Variants in SRGAP2C observed in about 807,000 individuals in gnomAD.
SRGAP2C encodes the protein SLIT-ROBO Rho GTPase activating protein 2C.
SRGAP2C carries 15 observed loss-of-function variants against 25.1 expected under a neutral mutation model. That is an observed-to-expected ratio of 0.60 (90% CI 0.40 to 0.92). The LOEUF is 0.92. Ranked by LOEUF, SRGAP2C falls within the 40% of genes least tolerant of loss-of-function variation. The pLI is 0.00. For synonymous variants in SRGAP2C, 44 were observed against 96.6 expected (o/e 0.46, Z 3.19); for missense variants, 144 against 264.4 (o/e 0.54, Z 3.16).
intron 3 of SRGAP2C, among the ~76,000 whole-genome samples, chr1:121,288,939 C>A (rs1163760605): frequency 9.2e-6 from 1 of 108,562 alleles, no homozygotes; most frequent in Admixed American, 9.3e-5. Context: ...CACTCACAAA[C>A]CTTGAGCTAA....
At chr1:121,275,700 G>A (rs1657092541) in intron 2 of SRGAP2C, among the ~76,000 whole-genome samples, 1 of 150,888 alleles carries the variant, frequency 6.6e-6, no homozygotes, top group Non-Finnish European at 1.5e-5. Flanking sequence ...ATTCACTTGG[G>A]GCTGGAAAGT....
chr1:121,204,549 C>T (rs1451336087), intron 2 of SRGAP2C, among the ~76,000 whole-genome samples: 1 of 151,820 alleles, frequency 6.6e-6, no homozygotes, highest in Non-Finnish European at 1.5e-5. Context: ...CGTGAGCCAC[C>T]GTGCCCGGCC....
chr1:121,350,573 T>A (rs1316209845), intron 4 of SRGAP2C, among the ~76,000 whole-genome samples: 1 of 151,682 alleles, frequency 6.6e-6, no homozygotes, highest in African/African-American at 2.4e-5. Flanking sequence ...AAAACAAACC[T>A]GGAAATAATA....
intron 2 of SRGAP2C, among the ~76,000 whole-genome samples, chr1:121,228,321 T>A (rs587723027): frequency 6.6e-6 from 1 of 151,046 alleles, no homozygotes; most frequent in South Asian, 2.1e-4. Flanking sequence ...GTTACGATCC[T>A]AATTAAAGTT....
At chr1:121,315,366 T>C (rs1277691470) in intron 3 of SRGAP2C, among the ~76,000 whole-genome samples, 1 of 144,280 alleles carries the variant, frequency 6.9e-6, no homozygotes, top group Non-Finnish European at 1.5e-5. Context: ...CATTTGTGAC[T>C]TGCCCAAAGT....
intron 2 of SRGAP2C, among the ~76,000 whole-genome samples, chr1:121,211,458 C>CACACACACACAT (rs1553323708): frequency 2.2e-4 from 30 of 139,400 alleles, no homozygotes; most frequent in Middle Eastern, 3.8e-3. Flanking sequence ...CACACACACA[C>CACACACACACAT]ACATCTTACC....
intron 2 of SRGAP2C, among the ~76,000 whole-genome samples, chr1:121,262,271 C>T (rs1335128896): frequency 7.2e-6 from 1 of 139,850 alleles, no homozygotes; most frequent in Non-Finnish European, 1.5e-5. Flanking sequence ...GAGTTTGTTA[C>T]TCTTCTATGA....
At chr1:121,254,396 C>A (rs782056531) in intron 2 of SRGAP2C, among the ~76,000 whole-genome samples, 1 of 65,084 alleles carries the variant, frequency 1.5e-5, no homozygotes, top group Non-Finnish European at 3.3e-5. Flanking sequence ...TGCGTTAAAG[C>A]GTTCAGGATA....
intron 4 of SRGAP2C, among the ~76,000 whole-genome samples, chr1:121,337,457 C>T (rs1403248129): frequency 1.4e-5 from 2 of 141,756 alleles, no homozygotes; most frequent in Non-Finnish European, 3.1e-5. Flanking sequence ...CATGCTGAAA[C>T]CCTGTCTCTA....
chr1:121,221,438 C>T (rs1333797688), intron 2 of SRGAP2C, among the ~76,000 whole-genome samples: 2 of 76,390 alleles, frequency 2.6e-5, no homozygotes, highest in African/African-American at 6.7e-5. Context: ...GGGCCAGGCA[C>T]GGTGGCTCAC....
rs1253309810 is a variant in SRGAP2C, at chr1:121,313,887, T to C, written c.261-10591T>C. Among the ~76,000 whole-genome samples the C allele has an allele frequency of 1.9e-3, 256 of 131,590 alleles. 8 individuals are homozygous for C. Among genetic ancestry groups the C allele is most frequent in the African/African-American group, 7.0e-3 (247 of 35,242 alleles). The allele number at this position is 131,590 out of a possible 152,430, so 86.3% of individuals were successfully genotyped here. A position where few individuals can be genotyped will look rare whatever the true frequency, so the allele number is the denominator to read the frequency against. On this transcript the variant is annotated intron_variant, in intron 3 of 9. Coordinates refer to ENST00000367123, the MANE Select transcript of SRGAP2C (RefSeq NM_001329984.2). ...TTTCCTTCATTTCAACTTTGGTGAA[T>C]CTGACAGTTATGTGTCTTCGAGTTG...
At chr1:121,295,378 T>A (rs1657572854) in intron 3 of SRGAP2C, among the ~76,000 whole-genome samples, 1 of 151,390 alleles carries the variant, frequency 6.6e-6, no homozygotes, top group East Asian at 2.0e-4. Flanking sequence ...ACAAGAAACA[T>A]GAGACCAAGG....
At chr1:121,237,372 G>C (rs1266164161) in intron 2 of SRGAP2C, among the ~76,000 whole-genome samples, 1 of 152,018 alleles carries the variant, frequency 6.6e-6, no homozygotes, top group Non-Finnish European at 1.5e-5. Flanking sequence ...CTATGTGTTC[G>C]CTCCAGTCTT....
chr1:121,384,160 CA>C (rs1330981430), intron 8 of SRGAP2C, among the ~76,000 whole-genome samples: 2 of 117,220 alleles, frequency 1.7e-5, no homozygotes. Context: ...CCAAAGCTAC[CA>C]AAAAAAGGAG....
intron 5 of SRGAP2C, among the ~76,000 whole-genome samples, chr1:121,366,802 T>C (rs1278911578): frequency 5.9e-5 from 9 of 151,536 alleles, no homozygotes; most frequent in Non-Finnish European, 1.3e-4. Context: ...TTGCAGCTGT[T>C]TCTGGGGAGG....
intron 2 of SRGAP2C, among the ~76,000 whole-genome samples, chr1:121,212,150 A>T (rs1189191325): frequency 2.9e-4 from 18 of 61,396 alleles, no homozygotes; most frequent in South Asian, 1.4e-3. Flanking sequence ...TTTTTTTTTG[A>T]GACGGAGTCT....
intron 3 of SRGAP2C, among the ~76,000 whole-genome samples, chr1:121,289,312 G>C (rs1657443815): frequency 6.8e-6 from 1 of 148,088 alleles, no homozygotes; most frequent in African/African-American, 2.5e-5. Flanking sequence ...GGCACTGCTG[G>C]GGGACTCAGT....
intron 5 of SRGAP2C, among the ~76,000 whole-genome samples, chr1:121,366,268 T>G (rs1426052285): frequency 6.7e-6 from 1 of 149,474 alleles, no homozygotes; most frequent in Non-Finnish European, 1.5e-5. Flanking sequence ...TGCTGCGTTT[T>G]TTCTTTTCTT....
At chr1:121,191,772 A>C (rs587747951) in intron 2 of SRGAP2C, among the ~76,000 whole-genome samples, 5 of 150,410 alleles carry the variant, frequency 3.3e-5, no homozygotes, top group South Asian at 2.1e-4. Flanking sequence ...GAGTTTTTAC[A>C]GTCTCCCAGA....
Sources: allele counts gnomAD v4.1 joint callset (sites outside exome capture counted in the v4.1 genomes callset), GRCh38; gene constraint gnomAD v4.1.1; transcripts MANE v1.5; gene names NCBI Gene and HGNC (gene_info 2026-07-23, HGNC 2026-07-21).